The following PGAP1 variants were observed in gnomAD, a reference collection of about 807,000 sequenced individuals.
The protein encoded by PGAP1 is post-GPI attachment to proteins inositol deacylase 1.
In PGAP1, 76 loss-of-function variants were observed where a neutral mutation model predicts 127.0. That is an observed-to-expected ratio of 0.60 (90% CI 0.50 to 0.72). PGAP1 has a LOEUF of 0.72. Among genes scored for constraint, PGAP1 ranks in the 30% least tolerant of loss-of-function variants. The pLI, the probability that PGAP1 is intolerant of heterozygous loss-of-function variation, is 0.00. For missense variants in PGAP1, 982 were observed against 1,071.3 expected (o/e 0.92, Z 1.16); for synonymous variants, 362 against 366.5 (o/e 0.99, Z 0.14).
chr2:196,843,764 C>G (rs1395690407), intron 25 of PGAP1, 124 bp downstream of exon 25: 7 of 473,580 alleles, frequency 1.5e-5, no homozygotes, highest in Non-Finnish European at 1.3e-5. Flanking sequence ...AAATAAATTT[C>G]AGGTAATGTA....
rs540910145 is a variant in PGAP1, at chr2:196,921,754, T to A, written c.148-1604A>T. 1.2e-4 allele frequency among the ~76,000 whole-genome samples: 18 copies of A among 152,216 alleles called. No homozygotes were observed. In the South Asian group the frequency reaches 2.7e-3, roughly 23 times the overall value. Reference sequence around the variant, plus strand: ...TTTTATAGTGAGAAAGAATATTTTTTAAAATATGAATATATACAGAATTTT... The same window carrying A: ...TTTTATAGTGAGAAAGAATATTTTTAAAAATATGAATATATACAGAATTTT... On this transcript the variant is annotated intron_variant, in intron 1 of 26. Transcript: ENST00000354764.
At chr2:196,887,385 A>AAAAAC (rs953421092) in intron 10 of PGAP1, among the ~76,000 whole-genome samples, 13 of 152,248 alleles carry the variant, frequency 8.5e-5, no homozygotes, top group East Asian at 3.9e-4. Flanking sequence ...CTCCATCTCA[A>AAAAAC]AAAACAAAAC....
intron 13 of PGAP1, among the ~76,000 whole-genome samples, chr2:196,878,714 C>T (rs1417075173): frequency 6.6e-6 from 1 of 152,202 alleles, no homozygotes; most frequent in East Asian, 1.9e-4. Context: ...TCAAAACTTT[C>T]ACAATATGGC....
intron 20 of PGAP1, among the ~76,000 whole-genome samples, chr2:196,858,029 T>C (rs1053383332): frequency 6.7e-6 from 1 of 149,368 alleles, no homozygotes; most frequent in Admixed American, 6.6e-5. Flanking sequence ...GTTATTTAAG[T>C]TGACAAAACT....
intron 6 of PGAP1, among the ~76,000 whole-genome samples, chr2:196,897,814 T>G (rs1269143282): frequency 6.6e-6 from 1 of 152,216 alleles, no homozygotes. Context: ...TTATTTTACA[T>G]GTTGTCAAGA....
chr2:196,885,983 G>A (rs1199848129), intron 10 of PGAP1, 103 bp from the exon 11 acceptor site: 2 of 652,194 alleles, frequency 3.1e-6, no homozygotes, highest in African/African-American at 3.8e-5. Context: ...TATGATATAG[G>A]GTGACTAGGA....
intron 19 of PGAP1, among the ~76,000 whole-genome samples, chr2:196,868,258 G>T (rs1305481278): frequency 6.6e-6 from 1 of 152,194 alleles, no homozygotes; most frequent in Admixed American, 6.5e-5. Flanking sequence ...AATATTAGCT[G>T]TTATTGTTAC....
Position 196,845,959 on chromosome 2 carries a change from T to C in PGAP1, c.2209A>G (p.Ile737Val), listed in dbSNP as rs765905176. The change falls in exon 23 of 27, where the codon ATT becomes GTT. Residue 737 changes from isoleucine (I) to valine (V), a missense_variant. Transcript: ENST00000354764. ...MISPDLPFLT[I>V]VLIIVSWTTC... is the part of the protein sequence containing the mutation. ...GTCCAACTAACTATGATCAAGACAA[T>C]TGTCAAAAAGGGCAAGTCTGGTGAT... is the stretch of plus-strand genomic sequence containing the variant. The C allele has an allele frequency of 6.5e-5, 104 of 1,608,586 alleles. 1 individual carries two copies. Among genetic ancestry groups the C allele is most frequent in the South Asian group, 4.3e-4 (39 of 90,132 alleles).
chr2:196,833,119 A>G lies in PGAP1; in HGVS notation c.*8115T>C, dbSNP rs1393212126. On this transcript the variant is annotated 3_prime_UTR_variant, in exon 27 of 27. Transcript: ENST00000354764. ...ACCTGAGCAGAGACTGAAGGCAAAT[A>G]TTCATCTATTAAACCTACACCATAA... 6.6e-6 allele frequency: 1 copy of G among 152,566 alleles called. No homozygotes were observed. The highest frequency in any genetic ancestry group is 1.5e-5 in the Non-Finnish European group (1 of 68,022). 9.5% of individuals were successfully genotyped at this position (152,566 alleles called of 1,614,324 possible).
intron 26 of PGAP1, among the ~76,000 whole-genome samples, chr2:196,842,165 A>C (rs1700432721): frequency 6.6e-6 from 1 of 152,152 alleles, no homozygotes; most frequent in Admixed American, 6.5e-5. Flanking sequence ...AGAGAAACTG[A>C]GAATAAGAGG....
At chr2:196,888,926 A>C (rs1702007057) in intron 10 of PGAP1, among the ~76,000 whole-genome samples, 1 of 152,210 alleles carries the variant, frequency 6.6e-6, no homozygotes, top group African/African-American at 2.4e-5. Context: ...TAAATAAATG[A>C]TTTAAGAATG....
At chr2:196,864,846 A>T (rs1284066503) in intron 20 of PGAP1, 141 bp downstream of exon 20, 1 of 414,828 alleles carries the variant, frequency 2.4e-6, no homozygotes, top group Non-Finnish European at 4.3e-6. Flanking sequence ...AATAATAAAA[A>T]GGGAGTTCTA....
At chr2:196,841,691 G>A (rs1192671082) in intron 26 of PGAP1, among the ~76,000 whole-genome samples, 1 of 151,964 alleles carries the variant, frequency 6.6e-6, no homozygotes, top group Non-Finnish European at 1.5e-5. Flanking sequence ...CTAATTTTTT[G>A]TATTTTTAGT....
In PGAP1 at chr2:196,872,739, CGA is replaced by C. The variant is rs1701448947; in HGVS notation, c.1620-192_1620-191del. The C allele has an allele frequency of 5.2e-6, 3 of 575,918 alleles. No homozygotes were observed. The African/African-American group carries it at 5.7e-5, about 11-fold the overall frequency. The allele number at this position is 575,918 out of a possible 1,614,324, so 35.7% of individuals were successfully genotyped here. ...TGCTCCCTCTAGGACACAGGAGTTGCGAGAGGGTGGAAGGGGGTTCAGGTTCC... is the reference window on the plus strand; with the variant it reads ...TGCTCCCTCTAGGACACAGGAGTTGCGAGGGTGGAAGGGGGTTCAGGTTCC... On this transcript the variant is annotated intron_variant, in intron 17 of 26. Coordinates refer to ENST00000354764, the MANE Select transcript of PGAP1 (RefSeq NM_024989.4).
At chr2:196,846,524 T>C (rs958246398) in intron 22 of PGAP1, among the ~76,000 whole-genome samples, 1 of 152,126 alleles carries the variant, frequency 6.6e-6, no homozygotes, top group East Asian at 1.9e-4. Context: ...AGATTGATGA[T>C]TTACCAGGAA....
intron 24 of PGAP1, 141 bp from the exon 25 acceptor site, chr2:196,844,216 T>TA: frequency 1.8e-6 from 1 of 564,016 alleles, no homozygotes; most frequent in Non-Finnish European, 2.9e-6. Context: ...TTACTTTGCT[T>TA]AAAAATACTT....
chr2:196,919,987 T>C lies in PGAP1; in HGVS notation c.301+10A>G, dbSNP rs1299783314. The C allele has an allele frequency of 1.9e-6, 3 of 1,597,594 alleles. No homozygotes were observed. Among genetic ancestry groups the C allele is most frequent in the Non-Finnish European group, 2.6e-6 (3 of 1,174,648 alleles). The stretch of plus-strand genomic sequence containing the variant: ...TATAGCTTTCAAAATTTACTTCCAG[T>C]AAGACTTACCTTGCTTATAACTTCC... On this transcript the variant is annotated intron_variant, in intron 2 of 26. Transcript: ENST00000354764.
At chr2:196,912,624 G>C (rs1437049217) in intron 4 of PGAP1, among the ~76,000 whole-genome samples, 1 of 140,452 alleles carries the variant, frequency 7.1e-6, no homozygotes, top group Non-Finnish European at 1.6e-5. Flanking sequence ...GGAAGCCCTA[G>C]TGCCTAGAAA....
intron 12 of PGAP1, among the ~76,000 whole-genome samples, chr2:196,881,714 T>C (rs6757559): frequency 0.12 from 18,578 of 152,158 alleles, 1,607 homozygotes; most frequent in African/African-American, 0.24. Flanking sequence ...TTTTAATGAA[T>C]TGTTTTTATC....
Sources: gnomAD v4.1 joint callset for allele counts (sites outside exome capture counted in the v4.1 genomes callset) on GRCh38, gnomAD v4.1.1 for gene constraint, MANE v1.5 for transcripts, NCBI Gene and HGNC (gene_info 2026-07-23, HGNC 2026-07-21) for gene names.